The following CBL variants were observed in gnomAD, a reference collection of about 807,000 sequenced individuals.
The protein encoded by CBL is Cbl proto-oncogene, also known as E3 ubiquitin-protein ligase CBL.
In CBL, 45 loss-of-function variants were observed where a neutral mutation model predicts 96.9. The ratio of observed to expected loss-of-function variants is 0.46; its 90% CI spans 0.37 to 0.60. CBL has a LOEUF of 0.60. Ranked by LOEUF, CBL falls within the 20% of genes least tolerant of loss-of-function variation. CBL has a pLI of 0.00. For synonymous variants in CBL, 420 were observed against 426.8 expected, an observed-to-expected ratio of 0.98 and a Z score of 0.20; for missense variants, 1,024 against 1,143.5, an observed-to-expected ratio of 0.90 and a Z score of 1.51.
intron 2 of CBL, among the ~76,000 whole-genome samples, chr11:119,264,477 C>CTTTTCTTCTT: frequency 2.7e-5 from 4 of 147,230 alleles, no homozygotes; most frequent in Non-Finnish European, 6.0e-5. Context: ...CTTCTTTTCT[C>CTTTTCTTCTT]TTTTCTTTTC....
chr11:119,283,621 C>CTTTTTTTTTTTTTT (rs1410071154), intron 9 of CBL, among the ~76,000 whole-genome samples: 4 of 36,494 alleles, frequency 1.1e-4, no homozygotes, highest in African/African-American at 2.5e-4. Flanking sequence ...CTTTTTAATT[C>CTTTTTTTTTTTTTT]TTTCTTTTTT....
chr11:119,265,254 TAAACC>T (rs1209532955), intron 2 of CBL, among the ~76,000 whole-genome samples: 1 of 152,246 alleles, frequency 6.6e-6, no homozygotes, highest in Admixed American at 6.5e-5. Flanking sequence ...TTTGAGTCTT[TAAACC>T]ATTTTTAAGA....
At chr11:119,290,439 C>T (rs1291932259) in intron 12 of CBL, among the ~76,000 whole-genome samples, 1 of 150,746 alleles carries the variant, frequency 6.6e-6, no homozygotes, top group African/African-American at 2.4e-5. Context: ...TGGATCACAT[C>T]AGGAGATTGA....
chr11:119,222,121 A>G (rs1171036362), intron 1 of CBL, among the ~76,000 whole-genome samples: 1 of 152,158 alleles, frequency 6.6e-6, no homozygotes, highest in African/African-American at 2.4e-5. Context: ...ACATGGGAAA[A>G]CATTGAAAAT....
intron 1 of CBL, among the ~76,000 whole-genome samples, chr11:119,226,798 G>A (rs1949463149): frequency 6.6e-6 from 1 of 152,148 alleles, no homozygotes; most frequent in Admixed American, 6.6e-5. Context: ...ATTCAATCTG[G>A]TCAAAGTACT....
chr11:119,298,316 G>C, intron 14 of CBL, 42 bp from the exon 15 acceptor site: 6 of 1,560,258 alleles, frequency 3.8e-6, no homozygotes, highest in Non-Finnish European at 5.3e-6. Context: ...ATTAGAAGAT[G>C]AAGTGCGTCA....
At chr11:119,240,166 A>G (rs1040639092) in intron 2 of CBL, among the ~76,000 whole-genome samples, 5 of 152,070 alleles carry the variant, frequency 3.3e-5, no homozygotes, top group African/African-American at 1.2e-4. Context: ...ATGGTGGCAT[A>G]TACCTGTAAT....
Position 119,254,282 on chromosome 11 carries a change from G to T in CBL, c.444-17453G>T, listed in dbSNP as rs115919131. ...TTACCACAATATTTAAAAAAGAAATGTCACAATTTAAAGTCCATTGAAATT... is the reference window on the plus strand; with the variant it reads ...TTACCACAATATTTAAAAAAGAAATTTCACAATTTAAAGTCCATTGAAATT... On this transcript the variant is annotated intron_variant, in intron 2 of 15. Coordinates refer to ENST00000264033, the MANE Select transcript of CBL (RefSeq NM_005188.4). Among the ~76,000 whole-genome samples the T allele has an allele frequency of 1.3e-3, 202 of 152,260 alleles. 2 individuals are homozygous for T. Among genetic ancestry groups the T allele is most frequent in the African/African-American group, 4.7e-3 (194 of 41,554 alleles).
In CBL at chr11:119,270,470, G is replaced by A. The variant is rs1270262076; in HGVS notation, c.444-1265G>A. Among the ~76,000 whole-genome samples, 8 of 81,556 alleles carry A rather than the reference G, an allele frequency of 9.8e-5. No individual in the cohort carries two copies. The East Asian group carries it at 2.5e-3, about 26-fold the overall frequency. The allele number at this position is 81,556 out of a possible 152,430, so 53.5% of individuals were successfully genotyped here. On this transcript the variant is annotated intron_variant, in intron 2 of 15. Coordinates refer to ENST00000264033, the MANE Select transcript of CBL (RefSeq NM_005188.4). ...TTTTTTTTTTTTTTTTTTTTGAGAC[G>A]GAGTCTCGCTCTGTCGCCCAGGCTG...
intron 1 of CBL, among the ~76,000 whole-genome samples, chr11:119,218,132 T>TA (rs1949377833): frequency 2.0e-5 from 3 of 152,194 alleles, no homozygotes; most frequent in Admixed American, 6.6e-5. Flanking sequence ...AAGTGAAAAT[T>TA]ATGTTGACAC....
rs189144888 is a variant in CBL, at chr11:119,285,753, G to C, written c.1941+187G>C. ...TCTACAAAAATTACAAAAATTAGCT[G>C]GGCGTGGTGGCACTTGCCTGTAATT... On this transcript the variant is annotated intron_variant, in intron 11 of 15. Coordinates refer to ENST00000264033, the MANE Select transcript of CBL (RefSeq NM_005188.4). Among the ~76,000 whole-genome samples, 465 of 152,246 alleles carry C rather than the reference G, an allele frequency of 3.1e-3. 3 individuals are homozygous for C. Among genetic ancestry groups the C allele is most frequent in the African/African-American group, 0.01 (435 of 41,556 alleles).
intron 1 of CBL, among the ~76,000 whole-genome samples, chr11:119,213,806 A>G (rs1450519403): frequency 6.6e-6 from 1 of 152,084 alleles, no homozygotes; most frequent in Non-Finnish European, 1.5e-5. Context: ...GTCTGGGCTC[A>G]AGCCTTCCTC....
intron 9 of CBL, among the ~76,000 whole-genome samples, chr11:119,281,344 T>G (rs1323341471): frequency 6.6e-6 from 1 of 152,212 alleles, no homozygotes; most frequent in Non-Finnish European, 1.5e-5. Flanking sequence ...TATCTTAAAA[T>G]GCCTTTATTC....
chr11:119,260,092 A>G (rs1949743017), intron 2 of CBL, among the ~76,000 whole-genome samples: 2 of 152,142 alleles, frequency 1.3e-5, no homozygotes, highest in Admixed American at 6.6e-5. Context: ...CCCACACTCA[A>G]AATACCTGAA....
At chr11:119,207,553 A>G (rs992630927) in intron 1 of CBL, among the ~76,000 whole-genome samples, 2 of 152,146 alleles carry the variant, frequency 1.3e-5, no homozygotes, top group Admixed American at 6.5e-5. Context: ...ACTCCTTTAT[A>G]TTTAGCCACT....
At chr11:119,268,902 C>G (rs1949822555) in intron 2 of CBL, among the ~76,000 whole-genome samples, 1 of 152,154 alleles carries the variant, frequency 6.6e-6, no homozygotes, top group African/African-American at 2.4e-5. Context: ...CATTATCCTG[C>G]TATACTGTTC....
At chr11:119,252,687 C>T (rs1428144277) in intron 2 of CBL, among the ~76,000 whole-genome samples, 4 of 152,016 alleles carry the variant, frequency 2.6e-5, no homozygotes. Flanking sequence ...GAAACCCCAT[C>T]TCTACCAAAA....
chr11:119,275,052 A>T lies in CBL; in HGVS notation c.869+99A>T. On this transcript the variant is annotated intron_variant, in intron 5 of 15. Coordinates refer to ENST00000264033, the MANE Select transcript of CBL (RefSeq NM_005188.4). ...ACATGACCTTAATTAGTTTCGCAAT[A>T]GCCAAGGTTCTGCAATAGGATTGAT... 2.3e-6 allele frequency: 3 copies of T among 1,282,242 alleles called. No homozygotes were observed. The Admixed American group carries it at 5.1e-5, about 22-fold the overall frequency. 79.4% of individuals were successfully genotyped at this position (1,282,242 alleles called of 1,614,324 possible).
At chr11:119,225,724 CTTTTTTTT>C (rs57084908) in intron 1 of CBL, among the ~76,000 whole-genome samples, 65 of 102,464 alleles carry the variant, frequency 6.3e-4, no homozygotes, top group Admixed American at 2.1e-3. Context: ...TAAATATTTT[CTTTTTTTT>C]TTTTTTTTTT....
Sources: allele counts gnomAD v4.1 joint callset (sites outside exome capture counted in the v4.1 genomes callset), GRCh38; gene constraint gnomAD v4.1.1; transcripts MANE v1.5; gene names NCBI Gene and HGNC (gene_info 2026-07-23, HGNC 2026-07-21).